PAK5: variants seen among roughly 807,000 people sequenced by gnomAD.
The protein encoded by PAK5 is p21 (RAC1) activated kinase 5.
In PAK5, 16 loss-of-function variants were observed where a neutral mutation model predicts 65.9. That is an observed-to-expected ratio of 0.24 (90% confidence interval 0.16 to 0.37). PAK5 has a LOEUF of 0.37. Ranked by LOEUF, PAK5 falls within the 10% of genes least tolerant of loss-of-function variation. The pLI is 1.00. For synonymous variants in PAK5, 371 were observed against 354.9 expected (o/e 1.05, Z -0.51); for missense variants, 785 against 903.9 (o/e 0.87, Z 1.69).
intron 3 of PAK5, among the ~76,000 whole-genome samples, chr20:9,630,118 T>C (rs1259968774): frequency 6.6e-6 from 1 of 152,022 alleles, no homozygotes; most frequent in Non-Finnish European, 1.5e-5. Flanking sequence ...GTAAAATGTG[T>C]GAGGAAAGAG....
chr20:9,680,376 T>A (rs984422719), intron 2 of PAK5, among the ~76,000 whole-genome samples: 21 of 152,110 alleles, frequency 1.4e-4, no homozygotes, highest in African/African-American at 4.8e-4. Context: ...TCAGGAGGAA[T>A]GGTAAGAACA....
intron 1 of PAK5, among the ~76,000 whole-genome samples, chr20:9,798,838 T>A (rs1361420469): frequency 6.6e-6 from 1 of 152,108 alleles, no homozygotes; most frequent in Non-Finnish European, 1.5e-5. Context: ...CCTCAGCTGG[T>A]AACTTACTAA....
chr20:9,618,508 G>A (rs920228187), intron 3 of PAK5, among the ~76,000 whole-genome samples: 1 of 148,932 alleles, frequency 6.7e-6, no homozygotes, highest in Non-Finnish European at 1.5e-5. Flanking sequence ...CCGAGTTCAA[G>A]TAATTTTCCT....
rs559464826 is a variant in PAK5, at chr20:9,563,830, G to A, written c.1483-806C>T. 3.3e-5 allele frequency among the ~76,000 whole-genome samples: 5 copies of A among 152,330 alleles called. No homozygotes were observed. In the East Asian group the frequency reaches 9.6e-4, roughly 29 times the overall value. On this transcript the variant is annotated intron_variant, in intron 5 of 9. Coordinates refer to ENST00000353224, the MANE Select transcript of PAK5 (RefSeq NM_177990.4). ...CCCAGTCACCTGGAACTCTCTGTGA[G>A]ATTTGGAGCGTGTGTAAGAAATAAG...
At chr20:9,803,374 T>C (rs1253050771) in intron 1 of PAK5, among the ~76,000 whole-genome samples, 1 of 152,078 alleles carries the variant, frequency 6.6e-6, no homozygotes, top group East Asian at 1.9e-4. Context: ...AAGCACACAT[T>C]TGCGAACTAT....
At chr20:9,651,678 G>T (rs2047204919) in intron 2 of PAK5, among the ~76,000 whole-genome samples, 1 of 152,124 alleles carries the variant, frequency 6.6e-6, no homozygotes, top group African/African-American at 2.4e-5. Context: ...TAATGACATG[G>T]ATATGCCCCA....
In PAK5 at chr20:9,555,187, A is replaced by G. The variant is rs1278304499; in HGVS notation, c.1743+2421T>C. On this transcript the variant is annotated intron_variant, in intron 7 of 9. Coordinates refer to ENST00000353224, the MANE Select transcript of PAK5 (RefSeq NM_177990.4). ...TGTCTGTTACACGTAGCAGACATTC[A>G]GCAAATGTTCAGTAAATGAATGAGA... is the stretch of plus-strand genomic sequence containing the variant. Among the ~76,000 whole-genome samples the G allele has an allele frequency of 4.6e-5, 7 of 152,350 alleles. 2 individuals are homozygous for G. In the South Asian group the frequency reaches 1.4e-3, roughly 32 times the overall value.
chr20:9,680,405 C>T (rs1473262346), intron 2 of PAK5, among the ~76,000 whole-genome samples: 4 of 152,036 alleles, frequency 2.6e-5, no homozygotes, highest in Non-Finnish European at 2.9e-5. Context: ...TGAGATAGGA[C>T]CAAAAAAGCA....
intron 1 of PAK5, among the ~76,000 whole-genome samples, chr20:9,737,791 T>A (rs886636416): frequency 3.9e-5 from 6 of 152,214 alleles, no homozygotes; most frequent in African/African-American, 1.4e-4. Context: ...TATCACTGTG[T>A]TCTTATTAGA....
Position 9,806,774 on chromosome 20 carries a change from A to G in PAK5, c.-162+31988T>C, listed in dbSNP as rs1224610469. ...TGCTAGCTATTATTATTCATATTAT[A>G]TTAATTTCCTATCGCTACTATAATA... On this transcript the variant is annotated intron_variant, in intron 1 of 9. Coordinates refer to ENST00000353224, the MANE Select transcript of PAK5 (RefSeq NM_177990.4). Among the ~76,000 whole-genome samples, 4 of 152,218 alleles carry G rather than the reference A, an allele frequency of 2.6e-5. No individual in the cohort carries two copies. In the East Asian group the frequency reaches 7.7e-4, roughly 29 times the overall value.
At chr20:9,810,560 C>A (rs2423476) in intron 1 of PAK5, among the ~76,000 whole-genome samples, 90,296 of 151,988 alleles carry the variant, frequency 0.59, 27,062 homozygotes, top group South Asian at 0.69. Flanking sequence ...GAAAAGGAAG[C>A]AAGAAAGAAT....
intron 7 of PAK5, among the ~76,000 whole-genome samples, chr20:9,552,713 A>T (rs1016878304): frequency 2.0e-4 from 23 of 115,000 alleles, no homozygotes; most frequent in Middle Eastern, 4.8e-3. Flanking sequence ...AAAAATTTTT[A>T]AAATTTTTTA....
At chr20:9,724,763 A>G (rs2048256656) in intron 1 of PAK5, among the ~76,000 whole-genome samples, 2 of 152,150 alleles carry the variant, frequency 1.3e-5, no homozygotes, top group Admixed American at 1.3e-4. Flanking sequence ...CAGCATCTCC[A>G]TGTACTGACT....
chr20:9,659,294 A>G (rs1311689651), intron 2 of PAK5, among the ~76,000 whole-genome samples: 2 of 152,224 alleles, frequency 1.3e-5, no homozygotes, highest in Non-Finnish European at 2.9e-5. Context: ...ATCAAGCCAG[A>G]GAACCTTATG....
rs533295356 is a variant in PAK5 at position 9,785,472 on chromosome 20, A to G, written c.-162+53290T>C. Among the ~76,000 whole-genome samples the G allele has an allele frequency of 2.0e-5, 3 of 152,298 alleles. No homozygotes were observed. The East Asian group carries it at 5.8e-4, about 29-fold the overall frequency. The stretch of plus-strand genomic sequence containing the variant: ...GAATCACAGCACATCTGTTTTGCCA[A>G]CTTTTCAAGTTAACAAATTCTTTTC... On this transcript the variant is annotated intron_variant, in intron 1 of 9. Transcript: ENST00000353224.
chr20:9,800,791 A>G (rs541801965), intron 1 of PAK5, among the ~76,000 whole-genome samples: 1 of 152,160 alleles, frequency 6.6e-6, no homozygotes, highest in Admixed American at 6.5e-5. Context: ...CAACATCACA[A>G]ACATGACTAA....
At chr20:9,795,607 G>A (rs1347461373) in intron 1 of PAK5, among the ~76,000 whole-genome samples, 1 of 152,040 alleles carries the variant, frequency 6.6e-6, no homozygotes, top group African/African-American at 2.4e-5. Flanking sequence ...TAAAATTTGT[G>A]GAGTGAATGA....
At chr20:9,616,058 T>A (rs2046650056) in intron 3 of PAK5, among the ~76,000 whole-genome samples, 1 of 152,106 alleles carries the variant, frequency 6.6e-6, no homozygotes, top group Non-Finnish European at 1.5e-5. Context: ...CAGTCCCACG[T>A]CAAGGGGAGG....
intron 1 of PAK5, among the ~76,000 whole-genome samples, chr20:9,826,504 C>T (rs1161495224): frequency 6.6e-6 from 1 of 152,128 alleles, no homozygotes; most frequent in Non-Finnish European, 1.5e-5. Context: ...AACTGAAGCA[C>T]ACAAGGTAAC....
Sources: allele counts gnomAD v4.1 joint callset (sites outside exome capture counted in the v4.1 genomes callset), GRCh38; gene constraint gnomAD v4.1.1; transcripts MANE v1.5; gene names NCBI Gene and HGNC (gene_info 2026-07-23, HGNC 2026-07-21).